Variants in JAKMIP3 observed in about 807,000 individuals in gnomAD.
JAKMIP3 encodes janus kinase and microtubule-interacting protein 3.
In JAKMIP3, 58 loss-of-function variants were observed where a neutral mutation model predicts 118.5. That is an observed-to-expected ratio of 0.49 (90% confidence interval 0.40 to 0.61). The LOEUF (loss-of-function observed/expected upper bound fraction) is 0.61, where lower values mean the gene tolerates loss of function less well. JAKMIP3 is among the 20% of genes least tolerant of loss of function. The pLI is 0.00. For synonymous variants in JAKMIP3, 486 were observed against 451.2 expected, an observed-to-expected ratio of 1.08 and a Z score of -0.98; for missense variants, 950 against 1,109.0, an observed-to-expected ratio of 0.86 and a Z score of 2.04.
rs71512279 is a variant in JAKMIP3 at position 132,158,945 on chromosome 10, G to A, written c.2221-4264G>A. On this transcript the variant is annotated intron_variant, in intron 19 of 23. Coordinates refer to ENST00000684848, the MANE Select transcript of JAKMIP3 (RefSeq NM_001323087.2). ...GCATCTTCCTTTGTGATGCTGGGGG[G>A]GGGGACCTCTCGCTGTGTGATGCTG... 4.9e-3 allele frequency among the ~76,000 whole-genome samples: 239 copies of A among 48,858 alleles called. 11 individuals are homozygous for A. Among genetic ancestry groups the A allele is most frequent in the Non-Finnish European group, 6.9e-3 (128 of 18,432 alleles). The allele number at this position is 48,858 out of a possible 152,430, so 32.1% of individuals were successfully genotyped here.
rs1407725899 is a variant in JAKMIP3, at chr10:132,037,874, G to T, written c.-138+1136G>T. 2.6e-5 allele frequency among the ~76,000 whole-genome samples: 4 copies of T among 152,238 alleles called. No individual in the cohort carries two copies. In the East Asian group the frequency reaches 5.8e-4, roughly 22 times the overall value. ...TGCCCCGGGGGCCTGGCCCAGGGCT[G>T]CTCTGGGGCTGTAGAGAACAGCAGT... On this transcript the variant is annotated intron_variant, in intron 1 of 23. Coordinates refer to the JAKMIP3 transcript ENST00000657785.
intron 1 of JAKMIP3, among the ~76,000 whole-genome samples, chr10:132,086,762 G>A (rs1018763044): frequency 3.9e-5 from 6 of 152,084 alleles, no homozygotes; most frequent in African/African-American, 1.4e-4. Flanking sequence ...TATGTGTTAG[G>A]TGGATCTCTT....
At chr10:132,061,815 CA>C (rs758658021), upstream of JAKMIP3, among the ~76,000 whole-genome samples, 2 of 152,102 alleles carry the variant, frequency 1.3e-5, no homozygotes, top group African/African-American at 4.8e-5. Flanking sequence ...TCTTAAGAAA[CA>C]AAAACATAAA....
intron 2 of JAKMIP3, among the ~76,000 whole-genome samples, chr10:132,116,473 A>G (rs1337112610): frequency 1.4e-5 from 2 of 143,882 alleles, no homozygotes; most frequent in Non-Finnish European, 3.0e-5. Flanking sequence ...GTGTGTGTGC[A>G]ACGTGGAAGC....
rs577449280 is a variant in JAKMIP3 at position 132,091,824 on chromosome 10, T to G, written c.-137-12848T>G. 1.5e-4 allele frequency among the ~76,000 whole-genome samples: 23 copies of G among 152,242 alleles called. No individual in the cohort carries two copies. The South Asian group carries it at 4.8e-3, about 32-fold the overall frequency. On this transcript the variant is annotated intron_variant, in intron 1 of 23. Coordinates refer to ENST00000684848, the MANE Select transcript of JAKMIP3 (RefSeq NM_001323087.2). Reference sequence around the variant, plus strand: ...TTTGATCCTGTCATTATGATGTTAGTTGGTTATTTTGCTCGTTAGTTGATG... The same window carrying G: ...TTTGATCCTGTCATTATGATGTTAGGTGGTTATTTTGCTCGTTAGTTGATG...
chr10:132,095,757 C>T (rs1454899542), intron 1 of JAKMIP3, among the ~76,000 whole-genome samples: 4 of 152,220 alleles, frequency 2.6e-5, no homozygotes, highest in African/African-American at 9.7e-5. Context: ...CATGATCCTC[C>T]TCCTGGGTGT....
At chr10:132,047,948 C>G (rs1405649483) in intron 1 of JAKMIP3, among the ~76,000 whole-genome samples, 1 of 152,188 alleles carries the variant, frequency 6.6e-6, no homozygotes, top group African/African-American at 2.4e-5. Context: ...TCGGGCTCCT[C>G]CGGCTGTGGC....
At chr10:132,051,061 G>A (rs1388095028) in intron 1 of JAKMIP3, among the ~76,000 whole-genome samples, 4 of 149,796 alleles carry the variant, frequency 2.7e-5, no homozygotes, top group African/African-American at 9.9e-5. Flanking sequence ...CGTTCTGGTT[G>A]GGGGGTACCT....
intron 21 of JAKMIP3, among the ~76,000 whole-genome samples, 170 bp from the exon 22 acceptor site, chr10:132,166,813 G>A (rs117952496): frequency 0.014 from 2,078 of 152,262 alleles, 22 homozygotes; most frequent in Middle Eastern, 0.027. Flanking sequence ...CTCAGACCCG[G>A]GGATTTGGGC....
At chr10:132,172,399 G>A (rs532210812) in intron 23 of JAKMIP3, among the ~76,000 whole-genome samples, 3 of 151,988 alleles carry the variant, frequency 2.0e-5, no homozygotes, top group African/African-American at 7.3e-5. Flanking sequence ...CGTGTACTGG[G>A]GGAGATTCGC....
chr10:132,174,101 T>C (rs2059921690), intron 23 of JAKMIP3, among the ~76,000 whole-genome samples: 2 of 151,668 alleles, frequency 1.3e-5, no homozygotes, highest in South Asian at 4.2e-4. Context: ...TGGTGGTGTG[T>C]TTGTGGTGTG....
chr10:132,085,596 G>A (rs1203386822), intron 1 of JAKMIP3, among the ~76,000 whole-genome samples: 2 of 151,840 alleles, frequency 1.3e-5, no homozygotes, highest in East Asian at 1.9e-4. Flanking sequence ...CGCTTCCTGG[G>A]TTCAAGCGAT....
intron 19 of JAKMIP3, 59 bp from the exon 20 acceptor site, chr10:132,163,150 C>T: frequency 6.7e-7 from 1 of 1,492,622 alleles, no homozygotes; most frequent in East Asian, 2.5e-5. Flanking sequence ...CGTTGCCCTT[C>T]CTGAAAGGTT....
intron 1 of JAKMIP3, among the ~76,000 whole-genome samples, chr10:132,089,551 T>G (rs1441509258): frequency 2.6e-5 from 4 of 152,252 alleles, no homozygotes; most frequent in Non-Finnish European, 5.9e-5. Flanking sequence ...TTTTTGCACA[T>G]TGATTTTCTA....
intron 1 of JAKMIP3, among the ~76,000 whole-genome samples, chr10:132,096,234 T>A (rs1014307350): frequency 7.2e-5 from 11 of 152,258 alleles, no homozygotes. Context: ...AAAACACTGG[T>A]ACTACCACTT....
At position 132,108,048 on chromosome 10, in the gene JAKMIP3, G is replaced by T. The variant is rs868130313; in HGVS notation, c.135+3105G>T. On this transcript the variant is annotated intron_variant, in intron 2 of 23. Coordinates refer to ENST00000684848, the MANE Select transcript of JAKMIP3 (RefSeq NM_001323087.2). ...TGCTGGCTTACACTGGTGGGAAGGT[G>T]CTGGCTGCTCTGGGACCAGTGGGGT... Among the ~76,000 whole-genome samples the T allele has an allele frequency of 4.6e-5, 7 of 152,356 alleles. No homozygotes were observed. In the Middle Eastern group the frequency reaches 0.014, roughly 296 times the overall value.
chr10:132,099,441 T>A (rs1369692203), intron 1 of JAKMIP3, among the ~76,000 whole-genome samples: 1 of 152,154 alleles, frequency 6.6e-6, no homozygotes, highest in Admixed American at 6.5e-5. Flanking sequence ...AGATAGGCAA[T>A]CTGCACTGTT....
rs1230800650 is a variant in JAKMIP3, at chr10:132,168,371, G to A, written c.*441G>A. 63 of 1,289,466 alleles carry A rather than the reference G, an allele frequency of 4.9e-5. No individual in the cohort carries two copies. The highest frequency in any genetic ancestry group is 5.9e-5 in the Non-Finnish European group (58 of 988,842). 79.9% of individuals were successfully genotyped at this position (1,289,466 alleles called of 1,614,324 possible). A position where few individuals can be genotyped will look rare whatever the true frequency, so the allele number is the denominator to read the frequency against. On this transcript the variant is annotated 3_prime_UTR_variant, in exon 23 of 24. Transcript: ENST00000684848. ...ACTGGTGTCTGGAGGAAGATTTTCAGAAACAACAGAGGCTTGGCCTGATGA... is the reference window on the plus strand; with the variant it reads ...ACTGGTGTCTGGAGGAAGATTTTCAAAAACAACAGAGGCTTGGCCTGATGA...
intron 23 of JAKMIP3, among the ~76,000 whole-genome samples, chr10:132,173,613 T>G (rs149218188): frequency 1.5e-3 from 225 of 152,324 alleles, no homozygotes; most frequent in South Asian, 6.2e-3. Flanking sequence ...TGATATTTCA[T>G]TCATGTTTCT....
Sources: gnomAD v4.1 joint callset for allele counts (sites outside exome capture counted in the v4.1 genomes callset) on GRCh38, gnomAD v4.1.1 for gene constraint, MANE v1.5 for transcripts, NCBI Gene and HGNC (gene_info 2026-07-23, HGNC 2026-07-21) for gene names.